The following MPC1 variants were observed in gnomAD, a reference collection of about 807,000 sequenced individuals.
The protein encoded by MPC1 is mitochondrial pyruvate carrier 1, also known as HSPC040 protein.
Under a neutral mutation model 13.9 loss-of-function variants are expected in MPC1, and 6 were observed. The observed-to-expected ratio is 0.43, with a 90% CI of 0.24 to 0.85. MPC1 has a LOEUF of 0.85. MPC1 is among the 40% of genes least tolerant of loss of function. The pLI is 0.24. For synonymous variants in MPC1, 47 were observed against 50.5 expected, an observed-to-expected ratio of 0.93 and a Z score of 0.29; for missense variants, 115 against 143.3, an observed-to-expected ratio of 0.80 and a Z score of 1.01.
At position 166,382,921 on chromosome 6, in the gene MPC1, C is replaced by T; in HGVS notation, c.-45G>A. On this transcript the variant is annotated 5_prime_UTR_variant, in exon 1 of 5. Coordinates refer to ENST00000360961, the MANE Select transcript of MPC1 (RefSeq NM_016098.4). ...CCCGAGTGGTCCCTGCCTCTGCTGCCGCTTCCCAGAGCCAATGACACCCCG... is the reference window on the plus strand; with the variant it reads ...CCCGAGTGGTCCCTGCCTCTGCTGCTGCTTCCCAGAGCCAATGACACCCCG... 1 of 1,564,914 alleles carries T rather than the reference C, an allele frequency of 6.4e-7. No individual in the cohort carries two copies. Among genetic ancestry groups the T allele is most frequent in the African/African-American group, 1.4e-5 (1 of 71,074 alleles).
chr6:166,380,449 G>A (rs1393602069), intron 1 of MPC1, among the ~76,000 whole-genome samples: 2 of 152,028 alleles, frequency 1.3e-5, no homozygotes, highest in Non-Finnish European at 2.9e-5. Flanking sequence ...AAGTGTAATT[G>A]AATTAAATAC....
Position 166,373,716 on chromosome 6 carries a change from T to A in MPC1, c.72-3495A>T, listed in dbSNP as rs117731742. ...ATTTTGCATTCCCACCAGCAACGAA[T>A]GAGAGTTCCTGTTGATTCACATCCT... On this transcript the variant is annotated intron_variant, in intron 1 of 4. Transcript: ENST00000360961. Among the ~76,000 whole-genome samples, 30 of 152,354 alleles carry A rather than the reference T, an allele frequency of 2.0e-4. 1 individual carries two copies. In the East Asian group the frequency reaches 5.6e-3, roughly 28 times the overall value.
intron 1 of MPC1, among the ~76,000 whole-genome samples, chr6:166,376,800 A>T (rs576300626): frequency 6.6e-6 from 1 of 152,354 alleles, no homozygotes; most frequent in African/African-American, 2.4e-5. Context: ...TAATGTTAAC[A>T]TGGTACACCT....
chr6:166,381,590 C>T (rs1779786009), intron 1 of MPC1, among the ~76,000 whole-genome samples: 1 of 152,116 alleles, frequency 6.6e-6, no homozygotes, highest in South Asian at 2.1e-4. Context: ...ACTAAAATTA[C>T]ACTCCTAAAT....
intron 1 of MPC1, among the ~76,000 whole-genome samples, chr6:166,375,790 C>T (rs1779547152): frequency 6.6e-6 from 1 of 152,128 alleles, no homozygotes. Flanking sequence ...AAGGTGTGTT[C>T]TATTCGCCAG....
intron 1 of MPC1, among the ~76,000 whole-genome samples, chr6:166,378,418 ATGTG>A (rs3049292): frequency 1.2e-4 from 18 of 149,862 alleles, no homozygotes; most frequent in Non-Finnish European, 2.4e-4. Flanking sequence ...ATACAAATAC[ATGTG>A]TGTGTGTGTG....
intron 1 of MPC1, among the ~76,000 whole-genome samples, chr6:166,378,611 G>A (rs1779656663): frequency 6.6e-6 from 1 of 152,158 alleles, no homozygotes; most frequent in Non-Finnish European, 1.5e-5. Flanking sequence ...GAAGGAGAAT[G>A]AGAGAAGAGG....
rs1779175706 is a variant in MPC1, at chr6:166,366,842, T to C, written c.125A>G (p.Asn42Ser). The change falls in exon 3 of 5, where the codon AAT becomes AGT. Residue 42 changes from asparagine (N) to serine (S), a missense_variant. Asn to Ser is a conservative substitution (Grantham distance 46, BLOSUM62 1). Transcript: ENST00000360961. ...AATCTCTGGAGACTTTTTCATATCA[T>C]TGATGGCAGCAATGGGAAGACCCCA... ...ANWGLPIAAI[N>S]DMKKSPEIIS... The C allele has an allele frequency of 3.7e-6, 6 of 1,614,086 alleles. No individual in the cohort carries two copies. The highest frequency in any genetic ancestry group is 1.1e-5 in the South Asian group (1 of 91,078).
chr6:166,381,171 AC>A (rs1170031286), intron 1 of MPC1, among the ~76,000 whole-genome samples: 1 of 152,204 alleles, frequency 6.6e-6, no homozygotes, highest in Non-Finnish European at 1.5e-5. Flanking sequence ...TCAGACTGCT[AC>A]CTTGTTCACA....
intron 1 of MPC1, among the ~76,000 whole-genome samples, chr6:166,370,940 G>A (rs901210855): frequency 3.3e-5 from 5 of 152,152 alleles, no homozygotes; most frequent in Non-Finnish European, 7.4e-5. Flanking sequence ...ATTTCAAAAT[G>A]TAATCAATAA....
intron 2 of MPC1, among the ~76,000 whole-genome samples, chr6:166,368,557 G>GAAAAAAAA (rs11370568): frequency 1.8e-5 from 2 of 114,282 alleles, no homozygotes; most frequent in African/African-American, 3.4e-5. Context: ...CCGTCTCAGG[G>GAAAAAAAA]AAAAAAAAAA....
intron 1 of MPC1, among the ~76,000 whole-genome samples, chr6:166,370,883 C>T (rs1384172012): frequency 6.6e-6 from 1 of 152,110 alleles, no homozygotes; most frequent in African/African-American, 2.4e-5. Context: ...ACAGAAATTA[C>T]TTGTATTAAT....
At chr6:166,382,768 C>A in intron 1 of MPC1, 38 bp downstream of exon 1, 1 of 1,553,602 alleles carries the variant, frequency 6.4e-7, no homozygotes, top group East Asian at 2.5e-5. Flanking sequence ...CCCGGGAGCC[C>A]CTCCGGGTTG....
intron 1 of MPC1, among the ~76,000 whole-genome samples, chr6:166,374,363 A>G (rs1005284224): frequency 1.3e-5 from 2 of 151,952 alleles, no homozygotes; most frequent in Non-Finnish European, 2.9e-5. Flanking sequence ...CTCTGCAAAT[A>G]TTTTCTCATA....
At chr6:166,381,815 T>A in intron 1 of MPC1, 9 of 984,208 alleles carry the variant, frequency 9.1e-6, no homozygotes, top group Non-Finnish European at 1.1e-5. Context: ...GTTGACAGAA[T>A]TTCGTATATA....
At chr6:166,371,302 T>C (rs1779371855) in intron 1 of MPC1, among the ~76,000 whole-genome samples, 1 of 152,250 alleles carries the variant, frequency 6.6e-6, no homozygotes, top group South Asian at 2.1e-4. Flanking sequence ...AAAAAATATT[T>C]ATTGAATGAA....
At chr6:166,381,170 T>C (rs1041758137) in intron 1 of MPC1, among the ~76,000 whole-genome samples, 1 of 152,182 alleles carries the variant, frequency 6.6e-6, no homozygotes, top group African/African-American at 2.4e-5. Context: ...CTCAGACTGC[T>C]ACCTTGTTCA....
At position 166,379,820 on chromosome 6, in the gene MPC1, T is replaced by G. The variant is rs1779701821; in HGVS notation, c.71+2986A>C. Among the ~76,000 whole-genome samples the G allele has an allele frequency of 2.0e-5, 3 of 152,350 alleles. No individual in the cohort carries two copies. The South Asian group carries it at 6.2e-4, about 32-fold the overall frequency. On this transcript the variant is annotated intron_variant, in intron 1 of 4. Transcript: ENST00000360961. ...ACGTTTTCTGCTTTATATTTTATTC[T>G]CCTTTGCTAAAGAAAAGCCGGGCTG...
intron 1 of MPC1, among the ~76,000 whole-genome samples, chr6:166,382,060 G>C (rs1187448366): frequency 6.6e-6 from 1 of 152,232 alleles, no homozygotes; most frequent in Non-Finnish European, 1.5e-5. Context: ...GCAGGTGACC[G>C]GCGACCCACT....
Sources: allele counts gnomAD v4.1 joint callset (sites outside exome capture counted in the v4.1 genomes callset), GRCh38; gene constraint gnomAD v4.1.1; transcripts MANE v1.5; gene names NCBI Gene and HGNC (gene_info 2026-07-23, HGNC 2026-07-21).